Variants in SCAMP4 observed in about 807,000 individuals in gnomAD.
SCAMP4 encodes secretory carrier-associated membrane protein 4.
In SCAMP4, 19 loss-of-function variants were observed where a neutral mutation model predicts 32.1. That is an observed-to-expected ratio of 0.59 (90% CI 0.41 to 0.87). The LOEUF is 0.87. Ranked by LOEUF, SCAMP4 falls within the 40% of genes least tolerant of loss-of-function variation. SCAMP4 has a pLI of 0.00. For missense variants in SCAMP4, 302 were observed against 309.0 expected (o/e 0.98, Z 0.17); for synonymous variants, 152 against 132.7 (o/e 1.15, Z -1.00).
At chr19:1,921,490 G>A (rs902571849) in intron 5 of SCAMP4, 5 of 985,282 alleles carry the variant, frequency 5.1e-6, no homozygotes, top group African/African-American at 1.7e-5. Flanking sequence ...GACATCAGCG[G>A]GCGCCGCAGC....
At chr19:1,923,919 CCGGCCT>C (rs1301436482) in intron 6 of SCAMP4, among the ~76,000 whole-genome samples, 183 bp from the exon 7 acceptor site, 1 of 96,524 alleles carries the variant, frequency 1.0e-5, no homozygotes, top group Non-Finnish European at 2.9e-5. Context: ...GCCACCGTGC[CCGGCCT>C]ATTTTTTATA....
At chr19:1,921,504 TA>T (rs2013919218) in intron 5 of SCAMP4, 1 of 985,376 alleles carries the variant, frequency 1.0e-6, no homozygotes. Flanking sequence ...CCGCAGCCTC[TA>T]AGCGGAGCAT....
chr19:1,905,564 G>T (rs1287790747), intron 1 of SCAMP4, 125 bp downstream of exon 1: 1 of 249,294 alleles, frequency 4.0e-6, no homozygotes, highest in Non-Finnish European at 9.0e-6. Flanking sequence ...AAAACGGGGG[G>T]CCCAGGCCAG....
At chr19:1,916,465 C>T (rs1261339046) in intron 2 of SCAMP4, among the ~76,000 whole-genome samples, 1 of 152,008 alleles carries the variant, frequency 6.6e-6, no homozygotes, top group Non-Finnish European at 1.5e-5. Flanking sequence ...TTGTTGTGTT[C>T]TTTGTTTTGT....
At chr19:1,916,003 T>A (rs963689648) in intron 2 of SCAMP4, among the ~76,000 whole-genome samples, 2 of 147,884 alleles carry the variant, frequency 1.4e-5, no homozygotes, top group African/African-American at 5.0e-5. Context: ...CCAGCACTTT[T>A]GGGAGGCCGA....
rs2013468025 is a variant in SCAMP4, at chr19:1,911,872, A to T, written c.-41-3107A>T. 7.5e-6 allele frequency: 5 copies of T among 667,488 alleles called. No homozygotes were observed. In the South Asian group the frequency reaches 1.2e-4, roughly 16 times the overall value. 41.3% of individuals were successfully genotyped at this position (667,488 alleles called of 1,614,324 possible). The stretch of plus-strand genomic sequence containing the variant: ...CGTTTTTAAAAACCAATGGCTGTTT[A>T]AACTCTGTGCACACCAGGGGTTAGC... On this transcript the variant is annotated intron_variant, in intron 1 of 6. Transcript: ENST00000316097.
In SCAMP4 at chr19:1,905,474, G is replaced by C; in HGVS notation, c.-42+35G>C. The C allele has an allele frequency of 6.6e-6, 3 of 451,140 alleles. 1 individual carries two copies. Among genetic ancestry groups the C allele is most frequent in the Non-Finnish European group, 1.4e-5 (3 of 216,708 alleles). 27.9% of individuals were successfully genotyped at this position (451,140 alleles called of 1,614,324 possible). ...CGGCCCCGAGGTCTCGGGTTCTCCAGGCTCAGACTTCCCCAGAGGGGGAGT... is the reference window on the plus strand; with the variant it reads ...CGGCCCCGAGGTCTCGGGTTCTCCACGCTCAGACTTCCCCAGAGGGGGAGT... On this transcript the variant is annotated intron_variant, in intron 1 of 6. Transcript: ENST00000316097.
chr19:1,914,110 G>C (rs2013643628), intron 1 of SCAMP4, among the ~76,000 whole-genome samples: 1 of 152,192 alleles, frequency 6.6e-6, no homozygotes, highest in African/African-American at 2.4e-5. Context: ...GTGCCCAGTT[G>C]AGTGGTAGAG....
chr19:1,922,362 A>G (rs1053166643), intron 5 of SCAMP4: 3 of 756,050 alleles, frequency 4.0e-6, no homozygotes, highest in Non-Finnish European at 4.8e-6. Flanking sequence ...AGCCTCCCAG[A>G]TAGCTGGGAT....
chr19:1,912,123 C>T, intron 1 of SCAMP4: 2 of 1,543,360 alleles, frequency 1.3e-6, no homozygotes, highest in South Asian at 1.2e-5. Flanking sequence ...CCTCGTGGAG[C>T]AGCCCAAGTG....
At chr19:1,922,750 G>T in intron 5 of SCAMP4, 1 of 1,028,770 alleles carries the variant, frequency 9.7e-7, no homozygotes, top group Non-Finnish European at 1.2e-6. Context: ...TAATGGGGAA[G>T]CACTGGTCTC....
intron 2 of SCAMP4, 73 bp downstream of exon 2, chr19:1,915,099 C>G: frequency 2.5e-6 from 4 of 1,582,376 alleles, no homozygotes; most frequent in Admixed American, 1.7e-5. Flanking sequence ...CACAGGAGCC[C>G]TCGGTCCTGG....
intron 1 of SCAMP4, chr19:1,912,506 CCA>C (rs1555837798): frequency 6.7e-7 from 1 of 1,495,552 alleles, no homozygotes; most frequent in Non-Finnish European, 8.8e-7. Flanking sequence ...TGACCAGGGG[CCA>C]GTTCGAGGAG....
intron 1 of SCAMP4, chr19:1,913,054 G>A (rs772168050): frequency 5.6e-6 from 9 of 1,603,250 alleles, no homozygotes; most frequent in Non-Finnish European, 7.6e-6. Context: ...CTGGGCACCC[G>A]CTTCCGCATC....
intron 4 of SCAMP4, 60 bp downstream of exon 4, chr19:1,918,343 C>G (rs1048622037): frequency 6.8e-7 from 1 of 1,467,992 alleles, no homozygotes; most frequent in African/African-American, 1.4e-5. Context: ...ACTCTGCACC[C>G]CAGTCCCAGC....
chr19:1,921,565 T>G lies in SCAMP4; in HGVS notation c.396-1505T>G, dbSNP rs961794658. ...TGCCTCCCTAGACCTGACACTTGCATGCGGGGGCGTGCGATGCTGGCCAGT... is the reference window on the plus strand; with the variant it reads ...TGCCTCCCTAGACCTGACACTTGCAGGCGGGGGCGTGCGATGCTGGCCAGT... On this transcript the variant is annotated intron_variant, in intron 5 of 6. Transcript: ENST00000316097. 3.0e-6 allele frequency: 3 copies of G among 985,286 alleles called. No homozygotes were observed. The African/African-American group carries it at 5.2e-5, about 17-fold the overall frequency. 61.0% of individuals were successfully genotyped at this position (985,286 alleles called of 1,614,324 possible). A position where few individuals can be genotyped will look rare whatever the true frequency, so the allele number is the denominator to read the frequency against.
intron 3 of SCAMP4, 48 bp from the exon 4 acceptor site, chr19:1,918,079 G>C: frequency 6.4e-7 from 1 of 1,574,646 alleles, no homozygotes; most frequent in African/African-American, 1.3e-5. Context: ...CTTTCCCACG[G>C]CCACACCCTC....
chr19:1,919,444 T>G (rs1426708019), intron 5 of SCAMP4: 2 of 985,030 alleles, frequency 2.0e-6, no homozygotes, highest in Non-Finnish European at 2.4e-6. Context: ...GGCTGCCAGG[T>G]GCCCAGAAGT....
intron 1 of SCAMP4, chr19:1,912,064 GTC>G (rs2013481661): frequency 2.1e-6 from 3 of 1,435,902 alleles, no homozygotes; most frequent in South Asian, 2.9e-5. Flanking sequence ...CTCTGCTCCC[GTC>G]TCTGTCTCCC....
Sources: allele counts gnomAD v4.1 joint callset (sites outside exome capture counted in the v4.1 genomes callset), GRCh38; gene constraint gnomAD v4.1.1; transcripts MANE v1.5; gene names NCBI Gene and HGNC (gene_info 2026-07-23, HGNC 2026-07-21).